Variants in FUBP3 observed in about 807,000 individuals in gnomAD.
The protein encoded by FUBP3 is far upstream element-binding protein 3.
In FUBP3, 28 loss-of-function variants were observed where a neutral mutation model predicts 85.6. The ratio of observed to expected loss-of-function variants is 0.33; its 90% CI spans 0.24 to 0.45. The LOEUF (loss-of-function observed/expected upper bound fraction) is 0.45, where lower values mean the gene tolerates loss of function less well. FUBP3 is among the 20% of genes least tolerant of loss of function. FUBP3 has a pLI of 1.00. For synonymous variants in FUBP3, 271 were observed against 271.4 expected (o/e 1.00, Z 0.01); for missense variants, 583 against 755.1 (o/e 0.77, Z 2.67).
rs929781882 is a variant in FUBP3 at position 130,620,373 on chromosome 9, T to A, written c.686T>A (p.Leu229Gln). 2.5e-6 allele frequency: 4 copies of A among 1,598,832 alleles called. No individual in the cohort carries two copies. The African/African-American group carries it at 5.4e-5, about 21-fold the overall frequency. The change falls in exon 9 of 19, where the codon CTA becomes CAA. Residue 229 changes from leucine (L) to glutamine (Q), a missense_variant. By Grantham distance (113) the Leu-to-Gln change is moderately radical. This residue lies in a region of FUBP3 where 404 missense variants were observed against 516.8 expected (regional missense o/e 0.78). Transcript: ENST00000319725. ...ATGCAGCAAGCAAGAGAAATGGTAC[T>A]AGAGATTATCCGAGAAAAAGACCAA... ...FKVQQAREMVLEIIREKDQAD... is the reference protein window; with the variant it reads ...FKVQQAREMVQEIIREKDQAD...
chr9:130,586,397 T>C (rs977050235), intron 1 of FUBP3, among the ~76,000 whole-genome samples: 8 of 152,122 alleles, frequency 5.3e-5, no homozygotes, highest in African/African-American at 1.2e-4. Flanking sequence ...ATTAATTCTC[T>C]CTCTCTCTTT....
chr9:130,628,176 G>A (rs1830070526), intron 12 of FUBP3, among the ~76,000 whole-genome samples: 1 of 152,166 alleles, frequency 6.6e-6, no homozygotes, highest in East Asian at 1.9e-4. Context: ...CTTGAGATGG[G>A]CGCCTGGGCA....
intron 1 of FUBP3, among the ~76,000 whole-genome samples, chr9:130,582,818 G>A (rs915586363): frequency 6.6e-6 from 1 of 152,232 alleles, no homozygotes; most frequent in African/African-American, 2.4e-5. Context: ...GCAATCCCTT[G>A]TTAGGAGAGT....
At position 130,637,032 on chromosome 9, in the gene FUBP3, C is replaced by G. The variant is rs756254482; in HGVS notation, c.*10C>G. ...CCCACAGGAGCAGTAGGACAGCGTC[C>G]TCGTGGCCAACTCTCCCCTCAAAAT... On this transcript the variant is annotated 3_prime_UTR_variant, in exon 19 of 19. Transcript: ENST00000319725. 1.1e-5 allele frequency: 18 copies of G among 1,610,022 alleles called. No homozygotes were observed. The South Asian group carries it at 1.8e-4, about 16-fold the overall frequency.
chr9:130,637,316 TCAAC>T lies in FUBP3; in HGVS notation c.*295_*298del, dbSNP rs1328666239. 7 of 400,160 alleles carry T rather than the reference TCAAC, an allele frequency of 1.7e-5. No homozygotes were observed. Among genetic ancestry groups the T allele is most frequent in the Non-Finnish European group, 2.7e-5 (6 of 218,892 alleles). The allele number at this position is 400,160 out of a possible 1,614,324, so 24.8% of individuals were successfully genotyped here. On this transcript the variant is annotated 3_prime_UTR_variant, in exon 19 of 19. Transcript: ENST00000319725. ...GAATGTGCCTCAGAGCTGTGACATT[TCAAC>T]ATGATGGTTTTGGTTTGGTTTGGTT...
At chr9:130,600,591 G>C (rs1309497796) in intron 2 of FUBP3, among the ~76,000 whole-genome samples, 1 of 151,878 alleles carries the variant, frequency 6.6e-6, no homozygotes, top group Admixed American at 6.6e-5. Context: ...TATCCCCCAG[G>C]CTCAGGTGAT....
At chr9:130,593,368 A>G (rs554869397) in intron 1 of FUBP3, among the ~76,000 whole-genome samples, 34 of 152,348 alleles carry the variant, frequency 2.2e-4, no homozygotes, top group South Asian at 6.2e-4. Context: ...CAAAAAGCCC[A>G]TCACACAGTA....
In FUBP3 at chr9:130,635,181, A is replaced by T. The variant is rs893494280; in HGVS notation, c.1582+443A>T. The stretch of plus-strand genomic sequence containing the variant: ...GGTGAGATTCAGGGAAGGAGGCCTT[A>T]CCTGGGCATTGGAGCTGGGTGCTTA... On this transcript the variant is annotated intron_variant, in intron 17 of 18. Coordinates refer to ENST00000319725, the MANE Select transcript of FUBP3 (RefSeq NM_003934.2). This position sits in a 1 kb window ranked among gnomAD's most constrained non-coding sequence, Gnocchi z 4.3. Among the ~76,000 whole-genome samples, 1 of 152,116 alleles carries T rather than the reference A, an allele frequency of 6.6e-6. No homozygotes were observed. The highest frequency in any genetic ancestry group is 1.5e-5 in the Non-Finnish European group (1 of 68,022).
Position 130,634,708 on chromosome 9 carries a change from A to G in FUBP3, c.1552A>G (p.Lys518Glu). The part of the protein sequence containing the change: ...QPQSSQPNYS[K>E]AWEDYYKKQS... ...GCAGAGCAGCCAGCCCAACTACAGC[A>G]AGGCCTGGGAAGACTATTACAAAAA... The change falls in exon 17 of 19, where the codon AAG (lysine) becomes GAG (glutamate). Residue 518 changes from lysine to glutamate, a missense_variant. By Grantham distance (56) the Lys-to-Glu change is moderately conservative (BLOSUM62 1). Around this residue, in one of 3 missense-constraint regions of FUBP3, gnomAD observed 404 missense variants for 516.8 expected, o/e 0.78. Coordinates refer to ENST00000319725, the MANE Select transcript of FUBP3 (RefSeq NM_003934.2). 6.2e-7 allele frequency: 1 copy of G among 1,614,018 alleles called. No individual in the cohort carries two copies.
chr9:130,602,562 A>G (rs546914979), intron 2 of FUBP3, among the ~76,000 whole-genome samples: 226 of 152,248 alleles, frequency 1.5e-3, no homozygotes, highest in African/African-American at 5.3e-3. Flanking sequence ...TGCTGAGGCC[A>G]CCAGTCTCCA....
chr9:130,624,793 G>C (rs1829903188), intron 11 of FUBP3, among the ~76,000 whole-genome samples: 1 of 152,124 alleles, frequency 6.6e-6, no homozygotes, highest in Non-Finnish European at 1.5e-5. Flanking sequence ...TGTAGCAAGA[G>C]TTTATGAACC....
At chr9:130,610,056 T>C in intron 3 of FUBP3, 69 bp downstream of exon 3, 1 of 1,199,072 alleles carries the variant, frequency 8.3e-7, no homozygotes, top group Non-Finnish European at 1.2e-6. Context: ...CCATCTGTAC[T>C]AGAGTGCTAG....
chr9:130,620,704 A>AC (rs1170422628), intron 9 of FUBP3, among the ~76,000 whole-genome samples: 16 of 152,078 alleles, frequency 1.1e-4, no homozygotes, highest in Non-Finnish European at 2.1e-4. Flanking sequence ...TTAGAGGTTA[A>AC]CCAGTTGCCC....
In FUBP3 at chr9:130,616,181, C is replaced by T. The variant is rs2119080575; in HGVS notation, c.405-174C>T. ...GTGTGTGTTGCTTTTAAATTCCAGC[C>T]CGGTAGCGTGGCGGATGGCAGAGAG... On this transcript the variant is annotated intron_variant, in intron 6 of 18. Transcript: ENST00000319725. The surrounding 1 kb of genome is among the most constrained non-coding windows in gnomAD (Gnocchi z 4.7). Among the ~76,000 whole-genome samples, 1 of 152,216 alleles carries T rather than the reference C, an allele frequency of 6.6e-6. No individual in the cohort carries two copies. The highest frequency in any genetic ancestry group is 2.1e-4 in the South Asian group (1 of 4,806).
At chr9:130,614,261 C>G in intron 5 of FUBP3, 27 bp from the exon 6 acceptor site, 1 of 1,521,512 alleles carries the variant, frequency 6.6e-7, no homozygotes, top group East Asian at 2.3e-5. Context: ...CCACCAACAC[C>G]CCTCATCTTC....
intron 10 of FUBP3, 83 bp from the exon 11 acceptor site, chr9:130,623,528 A>G (rs1416105629): frequency 2.2e-6 from 2 of 909,678 alleles, no homozygotes; most frequent in Non-Finnish European, 3.6e-6. Flanking sequence ...GCGGGTGAGA[A>G]TATTGATTGG....
rs1470525489 is a variant in FUBP3, at chr9:130,617,933, T to C, written c.666+38T>C. The stretch of plus-strand genomic sequence containing the variant: ...CATGGGTTGGGTGAGTCCTGGCTGT[T>C]GGGGCTATCACTCGGTGGTACCCTA... On this transcript the variant is annotated intron_variant, in intron 8 of 18. Coordinates refer to ENST00000319725, the MANE Select transcript of FUBP3 (RefSeq NM_003934.2). 3.1e-6 allele frequency: 3 copies of C among 962,150 alleles called. No homozygotes were observed. The South Asian group carries it at 4.3e-5, about 14-fold the overall frequency. The allele number at this position is 962,150 out of a possible 1,614,324, so 59.6% of individuals were successfully genotyped here.
At chr9:130,622,630 C>CAAA (rs35428077) in intron 9 of FUBP3, 78 bp from the exon 10 acceptor site, 20,015 of 505,032 alleles carry the variant, frequency 0.04, 303 homozygotes, top group East Asian at 0.047. Context: ...GACTCAGTCT[C>CAAA]AAAAAAAAAA....
chr9:130,622,972 A>T (rs1372715530), intron 10 of FUBP3, among the ~76,000 whole-genome samples, 162 bp downstream of exon 10: 2 of 152,092 alleles, frequency 1.3e-5, no homozygotes, highest in African/African-American at 4.8e-5. Flanking sequence ...GACCAATCTC[A>T]GTTTCTTCTC....
Sources: gnomAD v4.1 joint callset for allele counts (sites outside exome capture counted in the v4.1 genomes callset) on GRCh38, gnomAD v4.1.1 for gene constraint, gnomAD v4.1.1 regional missense constraint, Gnocchi (gnomAD v3.1) non-coding constraint, MANE v1.5 for transcripts, NCBI Gene and HGNC (gene_info 2026-07-23, HGNC 2026-07-21) for gene names.